The following ORC5 variants were observed in gnomAD, a reference collection of about 807,000 sequenced individuals.
ORC5 encodes origin recognition complex subunit 5.
In ORC5, 39 loss-of-function variants were observed where a neutral mutation model predicts 58.8. The observed-to-expected ratio is 0.66, with a 90% CI of 0.51 to 0.87. ORC5 has a LOEUF of 0.87. Ranked by LOEUF, ORC5 falls within the 40% of genes least tolerant of loss-of-function variation. The pLI, the probability that ORC5 is intolerant of heterozygous loss-of-function variation, is 0.00. For missense variants in ORC5, 493 were observed against 506.3 expected, an observed-to-expected ratio of 0.97 and a Z score of 0.25; for synonymous variants, 218 against 177.6, an observed-to-expected ratio of 1.23 and a Z score of -1.81.
intron 8 of ORC5, among the ~76,000 whole-genome samples, chr7:104,178,013 T>C (rs77971319): frequency 0.15 from 22,320 of 152,196 alleles, 1,862 homozygotes; most frequent in South Asian, 0.22. Flanking sequence ...CTATTGTGAA[T>C]AGTGCTGCAA....
At position 104,207,848 on chromosome 7, in the gene ORC5, C is replaced by G. The variant is rs942641409; in HGVS notation, c.57G>C (p.Gln19His). Residue 19 changes from glutamine to histidine, a missense_variant, in exon 1 of 14, where the codon CAG becomes CAC. Physicochemically the swap from Gln to His is conservative, Grantham distance 24. This residue lies in a region of ORC5 where 412 missense variants were observed against 403.7 expected (regional missense o/e 1.02). Transcript: ENST00000297431. The stretch of plus-strand genomic sequence containing the variant: ...ACTACAATACCTCTCCAAACAAGGA[C>G]TGCAAGATGGACACTTGAGACTCGC... ...LCRESQVSIL[Q>H]SLFGERHHFS... is the part of the protein sequence containing the mutation. The G allele has an allele frequency of 6.2e-7, 1 of 1,614,202 alleles. No individual in the cohort carries two copies. The highest frequency in any genetic ancestry group is 1.1e-5 in the South Asian group (1 of 91,086).
At chr7:104,164,024 T>C (rs1799067048) in intron 11 of ORC5, among the ~76,000 whole-genome samples, 1 of 152,236 alleles carries the variant, frequency 6.6e-6, no homozygotes, top group African/African-American at 2.4e-5. Context: ...CTGTTAATCA[T>C]GTCATGATTG....
intron 12 of ORC5, among the ~76,000 whole-genome samples, chr7:104,151,406 T>C (rs1369371873): frequency 6.6e-6 from 1 of 152,114 alleles, no homozygotes; most frequent in Non-Finnish European, 1.5e-5. Flanking sequence ...AAGAGACATT[T>C]GTATTTAGGA....
At chr7:104,171,525 G>A (rs932283514) in intron 8 of ORC5, among the ~76,000 whole-genome samples, 3 of 151,944 alleles carry the variant, frequency 2.0e-5, no homozygotes, top group Non-Finnish European at 4.4e-5. Context: ...TTTATTTGGG[G>A]GATGAGAGGA....
At chr7:104,182,212 C>T (rs1799447900) in intron 8 of ORC5, among the ~76,000 whole-genome samples, 2 of 152,078 alleles carry the variant, frequency 1.3e-5, no homozygotes, top group African/African-American at 4.8e-5. Flanking sequence ...GATGTGTGGA[C>T]CACACAGAAG....
At position 104,138,797 on chromosome 7, in the gene ORC5, C is replaced by G. The variant is rs1287959708; in HGVS notation, c.1150-1904G>C. 1.3e-5 allele frequency among the ~76,000 whole-genome samples: 2 copies of G among 152,160 alleles called. No homozygotes were observed. Among genetic ancestry groups the G allele is most frequent in the Admixed American group, 6.5e-5 (1 of 15,278 alleles). ...AAGTGTTGGGATTAGAGGCGTGAGC[C>G]CCCGCACCCAACCATTGCTTTAAAA... is the stretch of plus-strand genomic sequence containing the variant. On this transcript the variant is annotated intron_variant, in intron 12 of 13. Coordinates refer to ENST00000297431, the MANE Select transcript of ORC5 (RefSeq NM_002553.4). This position sits in a 1 kb window ranked among gnomAD's most constrained non-coding sequence, Gnocchi z 4.7.
rs993534158 is a variant in ORC5 at position 104,133,853 on chromosome 7, G to A, written c.1262+2928C>T. 1.3e-5 allele frequency among the ~76,000 whole-genome samples: 2 copies of A among 152,160 alleles called. No individual in the cohort carries two copies. Among genetic ancestry groups the A allele is most frequent in the African/African-American group, 4.8e-5 (2 of 41,404 alleles). On this transcript the variant is annotated intron_variant, in intron 13 of 13. Transcript: ENST00000297431. The surrounding 1 kb of genome is among the most constrained non-coding windows in gnomAD (Gnocchi z 4.7). ...TAAGAGAAGAGAGTTTTAAGAAAGA[G>A]TAGCCAACAGTGTCAGGTGCCACTG...
At chr7:104,132,168 C>T (rs1230547569) in intron 13 of ORC5, among the ~76,000 whole-genome samples, 1 of 152,120 alleles carries the variant, frequency 6.6e-6, no homozygotes, top group African/African-American at 2.4e-5. Flanking sequence ...ACTGCTTTAT[C>T]AGTAAATCAG....
rs35918809 is a variant in ORC5, at chr7:104,192,865, T to TA, written c.553+2277dup. ...GATTAGCTGCCCACTAGACACTTGT[T>TA]AAAAAAAAAAAAAGAAGTCAGTGAA... On this transcript the variant is annotated intron_variant, in intron 5 of 13. Transcript: ENST00000297431. Among the ~76,000 whole-genome samples, 386 of 137,538 alleles carry TA rather than the reference T, an allele frequency of 2.8e-3. 1 individual carries two copies. Among genetic ancestry groups the TA allele is most frequent in the African/African-American group, 7.7e-3 (289 of 37,644 alleles). The allele number at this position is 137,538 out of a possible 152,430, so 90.2% of individuals were successfully genotyped here.
At chr7:104,201,946 C>G (rs148301433) in intron 2 of ORC5, among the ~76,000 whole-genome samples, 3 of 152,008 alleles carry the variant, frequency 2.0e-5, no homozygotes, top group Admixed American at 2.0e-4. Flanking sequence ...AAAAATTAGA[C>G]AGGCCTGGTG....
At chr7:104,205,026 G>C (rs183283627) in intron 1 of ORC5, among the ~76,000 whole-genome samples, 7 of 150,648 alleles carry the variant, frequency 4.6e-5, no homozygotes, top group Admixed American at 2.0e-4. Flanking sequence ...CTACTTTGGA[G>C]GAAATTATAG....
intron 12 of ORC5, among the ~76,000 whole-genome samples, chr7:104,150,289 T>C (rs1798823559): frequency 6.6e-6 from 1 of 152,302 alleles, no homozygotes. Flanking sequence ...TGGAGGAGCT[T>C]CACAATCTGA....
chr7:104,134,611 C>A (rs1398419646), intron 13 of ORC5, among the ~76,000 whole-genome samples: 1 of 151,882 alleles, frequency 6.6e-6, no homozygotes, highest in African/African-American at 2.4e-5. Flanking sequence ...CAGTAACAGT[C>A]TGGAAGTGGC....
chr7:104,190,343 A>G (rs1799646731), intron 5 of ORC5, among the ~76,000 whole-genome samples: 1 of 152,164 alleles, frequency 6.6e-6, no homozygotes, highest in Admixed American at 6.5e-5. Flanking sequence ...CAAACTAGAA[A>G]ATGCTCTTCA....
chr7:104,177,352 T>C (rs367791614), intron 8 of ORC5, among the ~76,000 whole-genome samples: 5 of 152,194 alleles, frequency 3.3e-5, no homozygotes, highest in African/African-American at 7.2e-5. Flanking sequence ...TTTGGGACTA[T>C]CACTACACAT....
intron 8 of ORC5, among the ~76,000 whole-genome samples, chr7:104,179,086 A>T (rs1254503764): frequency 6.6e-6 from 1 of 150,814 alleles, no homozygotes; most frequent in East Asian, 1.9e-4. Flanking sequence ...TTTTTGGTAA[A>T]AGAAGGTTAA....
intron 8 of ORC5, among the ~76,000 whole-genome samples, chr7:104,168,769 G>C (rs6946744): frequency 0.045 from 6,775 of 152,106 alleles, 499 homozygotes; most frequent in African/African-American, 0.15. Context: ...TTACTATGAT[G>C]ACTGTTGTAG....
intron 12 of ORC5, among the ~76,000 whole-genome samples, chr7:104,139,357 T>TA (rs958905799): frequency 1.3e-5 from 2 of 152,202 alleles, no homozygotes; most frequent in African/African-American, 4.8e-5. Context: ...TACTTTTTTT[T>TA]ATAGATAAGC....
At chr7:104,137,322 G>A (rs1013877984) in intron 12 of ORC5, among the ~76,000 whole-genome samples, 4 of 151,462 alleles carry the variant, frequency 2.6e-5, no homozygotes, top group Admixed American at 6.6e-5. Context: ...GTCTCACTGT[G>A]TTGTCCAGGC....
Sources: gnomAD v4.1 joint callset for allele counts (sites outside exome capture counted in the v4.1 genomes callset) on GRCh38, gnomAD v4.1.1 for gene constraint, gnomAD v4.1.1 regional missense constraint, Gnocchi (gnomAD v3.1) non-coding constraint, MANE v1.5 for transcripts, NCBI Gene and HGNC (gene_info 2026-07-23, HGNC 2026-07-21) for gene names.